The following TGS1 variants were observed in gnomAD, a reference collection of about 807,000 sequenced individuals.
TGS1 encodes trimethylguanosine synthase 1.
TGS1 carries 69 observed loss-of-function variants against 92.2 expected under a neutral mutation model. The ratio of observed to expected loss-of-function variants is 0.75; its 90% CI spans 0.62 to 0.91. TGS1 has a LOEUF of 0.91. Ranked by LOEUF, TGS1 falls within the 40% of genes least tolerant of loss-of-function variation. The pLI is 0.00. For missense variants in TGS1, 1,062 were observed against 1,001.2 expected (o/e 1.06, Z -0.82); for synonymous variants, 345 against 338.1 (o/e 1.02, Z -0.22).
chr8:55,774,738 G>T (rs999681592), intron 1 of TGS1, among the ~76,000 whole-genome samples: 1 of 152,254 alleles, frequency 6.6e-6, no homozygotes, highest in South Asian at 2.1e-4. Context: ...ATTATTACTT[G>T]GTTGATTATA....
chr8:55,785,065 G>T (rs189691758), intron 2 of TGS1, among the ~76,000 whole-genome samples: 16,013 of 142,806 alleles, frequency 0.11, 1,031 homozygotes, highest in African/African-American at 0.15. Flanking sequence ...TTTGTTTTTT[G>T]TTTTTTGTTT....
Position 55,805,017 on chromosome 8 carries a change from T to C in TGS1, c.2124T>C (p.Phe708=). 1 of 1,613,928 alleles carries C rather than the reference T, an allele frequency of 6.2e-7. No homozygotes were observed. The highest frequency in any genetic ancestry group is 1.6e-4 in the Middle Eastern group (1 of 6,062). The change falls in exon 10 of 13, where the codon TTT becomes TTC. Residue 708 remains phenylalanine, a synonymous_variant. Transcript: ENST00000260129. ...GAGTTGGAGGAAATACCATTCAGTT[T>C]GCCTTAACAGGAATGAGAGGTAATT... ...FCGVGGNTIQ[F]ALTGMRVIAI... is the part of the protein sequence containing the mutation.
intron 6 of TGS1, among the ~76,000 whole-genome samples, chr8:55,794,582 G>A (rs957562067): frequency 6.6e-6 from 1 of 152,152 alleles, no homozygotes; most frequent in Non-Finnish European, 1.5e-5. Flanking sequence ...GGGTAACATA[G>A]CAAGGCAGAA....
At position 55,786,958 on chromosome 8, in the gene TGS1, A is replaced by G. The variant is rs769804925; in HGVS notation, c.1060A>G (p.Lys354Glu). The G allele has an allele frequency of 5.0e-6, 8 of 1,614,060 alleles. No homozygotes were observed. The highest frequency in any genetic ancestry group is 5.9e-6 in the Non-Finnish European group (7 of 1,180,034). The part of the protein sequence containing the change: ...GHQQLSEVSS[K>E]RECPASGQSE... ...TCAACAGCTAAGTGAAGTTAGTAGC[A>G]AAAGAGAGTGCCCTGCTTCCGGCCA... Residue 354 changes from lysine (K) to glutamate (E), a missense_variant, in exon 4 of 13, where the codon AAA becomes GAA. By Grantham distance (56) the Lys-to-Glu change is moderately conservative (BLOSUM62 1). Transcript: ENST00000260129.
At chr8:55,789,901 G>A (rs576075734) in intron 4 of TGS1, among the ~76,000 whole-genome samples, 1 of 152,146 alleles carries the variant, frequency 6.6e-6, no homozygotes, top group Admixed American at 6.5e-5. Context: ...CCACCAGTTA[G>A]GTTACAGTTC....
chr8:55,820,696 CAA>C (rs1803613411), intron 12 of TGS1, among the ~76,000 whole-genome samples: 1 of 152,190 alleles, frequency 6.6e-6, no homozygotes, highest in Admixed American at 6.5e-5. Flanking sequence ...CAAATCTAGT[CAA>C]GAGTTCAGTC....
chr8:55,804,219 T>C lies in TGS1; in HGVS notation c.2000-674T>C, dbSNP rs930805767. On this transcript the variant is annotated intron_variant, in intron 9 of 12. Coordinates refer to ENST00000260129, the MANE Select transcript of TGS1 (RefSeq NM_024831.8). ...ACTTTGGGAGGCTGAGGCAGGCAAATCACTTGAGGCCAGGAGTTCAAGACC... is the reference window on the plus strand; with the variant it reads ...ACTTTGGGAGGCTGAGGCAGGCAAACCACTTGAGGCCAGGAGTTCAAGACC... Among the ~76,000 whole-genome samples, 14 of 152,062 alleles carry C rather than the reference T, an allele frequency of 9.2e-5. No individual in the cohort carries two copies. In the South Asian group the frequency reaches 2.7e-3, roughly 29 times the overall value.
At chr8:55,807,234 C>A (rs991446164) in intron 10 of TGS1, among the ~76,000 whole-genome samples, 1 of 151,790 alleles carries the variant, frequency 6.6e-6, no homozygotes, top group African/African-American at 2.4e-5. Flanking sequence ...GGCCATTTAA[C>A]CTTAATTTAA....
chr8:55,802,017 AC>A (rs1417079704), intron 8 of TGS1, among the ~76,000 whole-genome samples: 1 of 151,608 alleles, frequency 6.6e-6, no homozygotes, highest in Non-Finnish European at 1.5e-5. Context: ...ACACGGTGAA[AC>A]CCCGTCTCTA....
intron 2 of TGS1, among the ~76,000 whole-genome samples, chr8:55,783,621 T>A (rs2130118021): frequency 6.6e-6 from 1 of 152,302 alleles, no homozygotes; most frequent in South Asian, 2.1e-4. Flanking sequence ...GAGCCTCACT[T>A]TGATGTCTCA....
rs182779164 is a variant in TGS1 at position 55,793,866 on chromosome 8, C to T, written c.1367+1082C>T. Among the ~76,000 whole-genome samples, 900 of 151,952 alleles carry T rather than the reference C, an allele frequency of 5.9e-3. 5 individuals are homozygous for T. Among genetic ancestry groups the T allele is most frequent in the African/African-American group, 0.02 (830 of 41,438 alleles). On this transcript the variant is annotated intron_variant, in intron 6 of 12. Coordinates refer to ENST00000260129, the MANE Select transcript of TGS1 (RefSeq NM_024831.8). ...CTCCTGACCTCAGGTGATCCGCCCA[C>T]CTTGGCCTCCCAAAGTGCTGGGATT...
At position 55,773,509 on chromosome 8, in the gene TGS1, C is replaced by T. The variant is rs1327107173; in HGVS notation, c.-110C>T. ...GCGGCCGCGGGCCAGTTTCTATCTC[C>T]TCATCCAGGGCTTGCGGGCGAGGCC... On this transcript the variant is annotated 5_prime_UTR_variant, in exon 1 of 13. Coordinates refer to ENST00000260129, the MANE Select transcript of TGS1 (RefSeq NM_024831.8). The T allele has an allele frequency of 6.6e-6, 5 of 757,314 alleles. No individual in the cohort carries two copies. The highest frequency in any genetic ancestry group is 6.6e-5 in the Admixed American group (2 of 30,292). The allele number at this position is 757,314 out of a possible 1,614,324, so 46.9% of individuals were successfully genotyped here.
intron 10 of TGS1, among the ~76,000 whole-genome samples, chr8:55,808,287 G>A (rs747778704): frequency 6.6e-5 from 10 of 152,020 alleles, no homozygotes; most frequent in Non-Finnish European, 1.5e-4. Context: ...GTTCTTCTCA[G>A]ACTTTGCCAG....
chr8:55,799,637 G>T (rs749718514), intron 8 of TGS1, among the ~76,000 whole-genome samples: 1 of 152,198 alleles, frequency 6.6e-6, no homozygotes, highest in African/African-American at 2.4e-5. Flanking sequence ...GAGTGCAGTG[G>T]CACAATCACA....
chr8:55,779,375 A>G (rs1811492023), intron 1 of TGS1, among the ~76,000 whole-genome samples: 1 of 152,234 alleles, frequency 6.6e-6, no homozygotes. Context: ...ACATACGGTA[A>G]TAACCTTGGA....
At position 55,773,875 on chromosome 8, in the gene TGS1, C is replaced by CG. The variant is rs1285914610; in HGVS notation, c.101+158dup. Among the ~76,000 whole-genome samples, 6 of 152,210 alleles carry CG rather than the reference C, an allele frequency of 3.9e-5. No homozygotes were observed. The South Asian group carries it at 6.2e-4, about 16-fold the overall frequency. ...AGAAAAACAAAACCCTCAGACATGA[C>CG]GGAGTGGTCGCCCACTGCCATTATT... On this transcript the variant is annotated intron_variant, in intron 1 of 12. Coordinates refer to ENST00000260129, the MANE Select transcript of TGS1 (RefSeq NM_024831.8).
chr8:55,815,619 G>A (rs1443871888), intron 12 of TGS1, among the ~76,000 whole-genome samples: 2 of 152,156 alleles, frequency 1.3e-5, no homozygotes. Context: ...CAGGGAGATT[G>A]TACTCTTAGA....
intron 8 of TGS1, among the ~76,000 whole-genome samples, chr8:55,801,302 G>A (rs1190427644): frequency 3.3e-5 from 5 of 152,156 alleles, no homozygotes; most frequent in African/African-American, 1.2e-4. Flanking sequence ...ACAGAGTCTT[G>A]CTCTGTTGCC....
intron 1 of TGS1, among the ~76,000 whole-genome samples, chr8:55,780,828 T>C (rs1197074549): frequency 6.6e-6 from 1 of 152,226 alleles, no homozygotes; most frequent in Non-Finnish European, 1.5e-5. Context: ...ACAGGTTATA[T>C]TCCATTGCTA....
Sources: allele counts gnomAD v4.1 joint callset (sites outside exome capture counted in the v4.1 genomes callset), GRCh38; gene constraint gnomAD v4.1.1; transcripts MANE v1.5; gene names NCBI Gene and HGNC (gene_info 2026-07-23, HGNC 2026-07-21).